Variants in XDH observed in about 807,000 individuals in gnomAD.
XDH encodes xanthine dehydrogenase, also known as xanthine dehydrogenase/oxidase.
A neutral mutation model predicts 156.1 loss-of-function variants in XDH; 138 were observed. The ratio of observed to expected loss-of-function variants is 0.88; its 90% CI spans 0.77 to 1.02. The LOEUF (loss-of-function observed/expected upper bound fraction) is 1.02, where lower values mean the gene tolerates loss of function less well. Among genes scored for constraint, XDH ranks in the 50% least tolerant of loss-of-function variants. XDH has a pLI of 0.00. For synonymous variants in XDH, 669 were observed against 625.7 expected, an observed-to-expected ratio of 1.07 and a Z score of -1.03; for missense variants, 1,849 against 1,684.9, an observed-to-expected ratio of 1.10 and a Z score of -1.71.
chr2:31,336,522 T>A (rs1684974081), intron 35 of XDH, among the ~76,000 whole-genome samples: 1 of 151,978 alleles, frequency 6.6e-6, no homozygotes, highest in South Asian at 2.1e-4. Context: ...TGGGTGATTG[T>A]CAGCATTGGG....
intron 29 of XDH, among the ~76,000 whole-genome samples, 182 bp from the exon 30 acceptor site, chr2:31,347,025 C>T (rs995083794): frequency 4.6e-5 from 7 of 152,190 alleles, no homozygotes; most frequent in African/African-American, 1.7e-4. Context: ...AGGACCTGGC[C>T]AATAGGGCCA....
At position 31,350,234 on chromosome 2, in the gene XDH, G is replaced by C. The variant is rs370388386; in HGVS notation, c.2632-11C>G. 8.7e-6 allele frequency: 14 copies of C among 1,613,946 alleles called. No homozygotes were observed. The African/African-American group carries it at 1.7e-4, about 20-fold the overall frequency. ...AGCTCGTTCCATAATCTGAAGCAGAGGAAACAAAAATGGGAGAGAACAGTG... is the reference window on the plus strand; with the variant it reads ...AGCTCGTTCCATAATCTGAAGCAGACGAAACAAAAATGGGAGAGAACAGTG... On this transcript the variant is annotated splice_polypyrimidine_tract_variant and intron_variant, in intron 24 of 35. Coordinates refer to ENST00000379416, the MANE Select transcript of XDH (RefSeq NM_000379.4).
intron 1 of XDH, among the ~76,000 whole-genome samples, chr2:31,408,488 GT>G (rs1343862052): frequency 6.6e-6 from 1 of 152,148 alleles, no homozygotes; most frequent in Non-Finnish European, 1.5e-5. Context: ...GATTGCTCTG[GT>G]AAAACTTGAG....
At chr2:31,410,747 A>G (rs899449133) in intron 1 of XDH, among the ~76,000 whole-genome samples, 2 of 152,228 alleles carry the variant, frequency 1.3e-5, no homozygotes, top group African/African-American at 4.8e-5. Context: ...ATTCTAAAAA[A>G]AAACTGGCCT....
chr2:31,346,705 A>G (rs1392264510), intron 30 of XDH, 64 bp downstream of exon 30: 2 of 1,589,582 alleles, frequency 1.3e-6, no homozygotes, highest in Non-Finnish European at 1.7e-6. Context: ...CGGATTCGGA[A>G]CGGAGGCCCT....
chr2:31,406,690 A>T (rs928884721), intron 1 of XDH, among the ~76,000 whole-genome samples: 1 of 152,204 alleles, frequency 6.6e-6, no homozygotes, highest in Non-Finnish European at 1.5e-5. Context: ...AAAACCTGTC[A>T]TCTCATTTCA....
intron 1 of XDH, among the ~76,000 whole-genome samples, chr2:31,412,259 T>A (rs1282748301): frequency 6.6e-6 from 1 of 152,204 alleles, no homozygotes; most frequent in Non-Finnish European, 1.5e-5. Context: ...TCAAGGCTCA[T>A]CACCACCACA....
chr2:31,361,860 G>A (rs1187522168), intron 24 of XDH, among the ~76,000 whole-genome samples: 1 of 152,144 alleles, frequency 6.6e-6, no homozygotes, highest in Non-Finnish European at 1.5e-5. Context: ...CCAGACCACA[G>A]AAGCAGTTCT....
In XDH at chr2:31,347,627, G is replaced by A. The variant is rs1685336924; in HGVS notation, c.3171C>T (p.Ile1057=). ...CGCTGATATAAATCTTAGAGGTGGGGATTTTCAGAGCTCTACTGGCCACCT... is the reference window on the plus strand; with the variant it reads ...CGCTGATATAAATCTTAGAGGTGGGAATTTTCAGAGCTCTACTGGCCACCT... ...MVQVASRALK[I]PTSKIYISET... is the part of the protein sequence containing the mutation. The change falls in exon 29 of 36, where the codon ATC becomes ATT. Residue 1057 remains isoleucine (I), a synonymous_variant. Transcript: ENST00000379416. 1 of 1,614,104 alleles carries A rather than the reference G, an allele frequency of 6.2e-7. No homozygotes were observed.
chr2:31,347,658 AAG>A lies in XDH; in HGVS notation c.3148-10_3148-9del. 1 of 1,613,200 alleles carries A rather than the reference AAG, an allele frequency of 6.2e-7. No homozygotes were observed. Among genetic ancestry groups the A allele is most frequent in the Non-Finnish European group, 8.5e-7 (1 of 1,179,352 alleles). On this transcript the variant is annotated splice_polypyrimidine_tract_variant and intron_variant, in intron 28 of 35. Coordinates refer to ENST00000379416, the MANE Select transcript of XDH (RefSeq NM_000379.4). ...CAGAGCTCTACTGGCCACCTGCGAA[AAG>A]AGAAGACATTGCCCTCTAGGGAAGG...
In XDH at chr2:31,372,243, G is replaced by GC; in HGVS notation, c.1840dup (p.Ala614GlyfsTer14). 1.9e-6 allele frequency: 3 copies of GC among 1,614,208 alleles called. No individual in the cohort carries two copies. The African/African-American group carries it at 4.0e-5, about 22-fold the overall frequency. Reference sequence around the variant, plus strand: ...TGTCACTCACTTGATCTTGGCGTGGGCCCGGGTGCTGGTGACCAGCCGGAG... The same window carrying GC: ...TGTCACTCACTTGATCTTGGCGTGGGCCCCGGGTGCTGGTGACCAGCCGGAG... On this transcript the variant is annotated frameshift_variant, in exon 17 of 36. Coordinates refer to ENST00000379416, the MANE Select transcript of XDH (RefSeq NM_000379.4). LOFTEE classifies it high-confidence loss of function.
At chr2:31,364,346 T>C (rs542738934) in intron 23 of XDH, 102 bp from the exon 24 acceptor site, 45 of 1,131,520 alleles carry the variant, frequency 4.0e-5, no homozygotes, top group South Asian at 1.4e-4. Flanking sequence ...CTGGAGGAAA[T>C]AAACAGAACA....
chr2:31,402,690 G>C (rs1217648409), intron 3 of XDH, among the ~76,000 whole-genome samples: 1 of 152,160 alleles, frequency 6.6e-6, no homozygotes. Context: ...TGGGCCCATG[G>C]TGAGAAAGAA....
At chr2:31,381,032 G>A (rs1686423201) in intron 12 of XDH, among the ~76,000 whole-genome samples, 1 of 152,014 alleles carries the variant, frequency 6.6e-6, no homozygotes, top group African/African-American at 2.4e-5. Flanking sequence ...GTCTCACTCT[G>A]TCACCCAGGC....
chr2:31,370,333 T>A, intron 18 of XDH, 22 bp downstream of exon 18: 2 of 1,613,556 alleles, frequency 1.2e-6, no homozygotes, highest in African/African-American at 2.7e-5. Context: ...ATTTACTTCA[T>A]ATAAAAAAAT....
At chr2:31,408,390 A>G (rs1687249781) in intron 1 of XDH, among the ~76,000 whole-genome samples, 1 of 152,228 alleles carries the variant, frequency 6.6e-6, no homozygotes, top group Admixed American at 6.5e-5. Context: ...GGTGCACTCC[A>G]TTGAACACTC....
chr2:31,363,465 G>A (rs570185716), intron 24 of XDH, among the ~76,000 whole-genome samples: 15 of 152,320 alleles, frequency 9.8e-5, no homozygotes, highest in African/African-American at 2.9e-4. Flanking sequence ...CCTATGGAAT[G>A]GTAATGGGAA....
rs771304900 is a variant in XDH, at chr2:31,366,092, C to T, written c.2340G>A (p.Met780Ile). The T allele has an allele frequency of 2.5e-6, 4 of 1,614,206 alleles. No individual in the cohort carries two copies. The highest frequency in any genetic ancestry group is 1.1e-5 in the South Asian group (1 of 91,088). ...TMKTQSFVAK[M>I]LGVPANRIVV... The stretch of plus-strand genomic sequence containing the variant: ...CAATCCGGTTTGCTGGAACCCCCAA[C>T]ATTTTTGCAACAAAGCTCTGTGAGT... Residue 780 changes from methionine (M) to isoleucine (I), a missense_variant, in exon 22 of 36, where the codon ATG becomes ATA. By Grantham distance (10) the Met-to-Ile change is conservative (BLOSUM62 1). Coordinates refer to ENST00000379416, the MANE Select transcript of XDH (RefSeq NM_000379.4).
chr2:31,377,905 C>T (rs942444354), intron 13 of XDH, among the ~76,000 whole-genome samples: 2 of 150,782 alleles, frequency 1.3e-5, no homozygotes, highest in African/African-American at 2.4e-5. Context: ...CCTGTGGTCT[C>T]GGCTACTTGG....
Sources: gnomAD v4.1 joint callset for allele counts (sites outside exome capture counted in the v4.1 genomes callset) on GRCh38, gnomAD v4.1.1 for gene constraint, MANE v1.5 for transcripts, NCBI Gene and HGNC (gene_info 2026-07-23, HGNC 2026-07-21) for gene names.